The following ATP2C1 variants were observed in gnomAD, a reference collection of about 807,000 sequenced individuals.
ATP2C1 encodes the protein calcium-transporting ATPase type 2C member 1.
In ATP2C1, 31 loss-of-function variants were observed where a neutral mutation model predicts 120.5. That is an observed-to-expected ratio of 0.26 (90% CI 0.19 to 0.35). ATP2C1 has a LOEUF of 0.35. Among genes scored for constraint, ATP2C1 ranks in the 10% least tolerant of loss-of-function variants. The probability of loss-of-function intolerance (pLI) is 1.00; values close to 1 mark genes in which losing one functional copy is unlikely to be tolerated. For missense variants in ATP2C1, 731 were observed against 1,107.5 expected (o/e 0.66, Z 4.83); for synonymous variants, 351 against 358.7 (o/e 0.98, Z 0.24).
At position 130,999,614 on chromosome 3, in the gene ATP2C1, C is replaced by T. The variant is rs1263476212; in HGVS notation, c.2584C>T (p.Pro862Ser). ...IMGQLLVIYF[P>S]PLQKVFQTES... ...GGGACAATTACTAGTTATTTACTTT[C>T]CTCCGCTTCAGAAGGTTTTTCAGAC... Residue 862 changes from proline to serine, a missense_variant, in exon 27 of 28, where the codon CCT becomes TCT. By Grantham distance (74) the Pro-to-Ser change is moderately conservative. Coordinates refer to ENST00000510168, the MANE Select transcript of ATP2C1 (RefSeq NM_001378687.1). 3.1e-6 allele frequency: 5 copies of T among 1,613,468 alleles called. No individual in the cohort carries two copies. In the South Asian group the frequency reaches 4.4e-5, roughly 14 times the overall value.
At chr3:130,857,854 C>A (rs552520855) in intron 1 of ATP2C1, among the ~76,000 whole-genome samples, 1 of 152,210 alleles carries the variant, frequency 6.6e-6, no homozygotes, top group East Asian at 1.9e-4. Context: ...AAGGTGAAAT[C>A]CCACAATAGG....
At chr3:130,931,637 T>C (rs903210261) in intron 3 of ATP2C1, among the ~76,000 whole-genome samples, 2 of 152,162 alleles carry the variant, frequency 1.3e-5, no homozygotes, top group Non-Finnish European at 1.5e-5. Context: ...TTTTTCTCCC[T>C]AAATTTTGTT....
Position 131,001,712 on chromosome 3 carries a change from T to C in ATP2C1, c.*362T>C. 1.0e-6 allele frequency: 1 copy of C among 966,468 alleles called. No homozygotes were observed. The highest frequency in any genetic ancestry group is 1.2e-6 in the Non-Finnish European group (1 of 811,906). The allele number at this position is 966,468 out of a possible 1,614,324, so 59.9% of individuals were successfully genotyped here. On this transcript the variant is annotated 3_prime_UTR_variant, in exon 28 of 28. Coordinates refer to ENST00000510168, the MANE Select transcript of ATP2C1 (RefSeq NM_001378687.1). Reference sequence around the variant, plus strand: ...ATATATTTTTTTTTATTTTTAAATATTGTACTATTTATGGTGGTGGGGCTT... The same window carrying C: ...ATATATTTTTTTTTATTTTTAAATACTGTACTATTTATGGTGGTGGGGCTT...
At chr3:130,896,523 C>T (rs917154438) in intron 2 of ATP2C1, among the ~76,000 whole-genome samples, 16 of 151,980 alleles carry the variant, frequency 1.1e-4, no homozygotes, top group Non-Finnish European at 2.2e-4. Flanking sequence ...CTGTATATAG[C>T]CTAGAAATTT....
chr3:130,865,895 A>G (rs1466135082), intron 1 of ATP2C1, among the ~76,000 whole-genome samples: 1 of 152,230 alleles, frequency 6.6e-6, no homozygotes, highest in Non-Finnish European at 1.5e-5. Flanking sequence ...GATAAAGATC[A>G]TCTTTATGTT....
intron 4 of ATP2C1, among the ~76,000 whole-genome samples, 168 bp downstream of exon 4, chr3:130,932,306 C>CTTTAGTA (rs1355475391): frequency 6.2e-4 from 95 of 152,076 alleles, no homozygotes; most frequent in African/African-American, 2.1e-3. Context: ...GTTGGAATTC[C>CTTTAGTA]TGTATTTTTA....
In ATP2C1 at chr3:130,991,698, G is replaced by A. The variant is rs541982939; in HGVS notation, c.1840-1253G>A. Among the ~76,000 whole-genome samples, 37 of 152,284 alleles carry A rather than the reference G, an allele frequency of 2.4e-4. 1 individual carries two copies. Among genetic ancestry groups the A allele is most frequent in the African/African-American group, 8.4e-4 (35 of 41,570 alleles). Reference sequence around the variant, plus strand: ...GCAGTGAGGAAAACATTTTGGCACAGGAGGGAGGAGAATTTCTGGAGTAAT... The same window carrying A: ...GCAGTGAGGAAAACATTTTGGCACAAGAGGGAGGAGAATTTCTGGAGTAAT... On this transcript the variant is annotated intron_variant, in intron 20 of 27. Transcript: ENST00000510168.
At position 131,002,052 on chromosome 3, in the gene ATP2C1, A is replaced by G; in HGVS notation, c.*702A>G. ...AAAAGGTATGTCTTTGGTTTGGCAG[A>G]ATTCATGCAGGGCTATCAAGTGGTG... On this transcript the variant is annotated 3_prime_UTR_variant, in exon 28 of 28. Coordinates refer to ENST00000510168, the MANE Select transcript of ATP2C1 (RefSeq NM_001378687.1). 1.0e-6 allele frequency: 1 copy of G among 985,682 alleles called. No individual in the cohort carries two copies. The allele number at this position is 985,682 out of a possible 1,614,324, so 61.1% of individuals were successfully genotyped here.
intron 17 of ATP2C1, among the ~76,000 whole-genome samples, chr3:130,972,530 A>T (rs1205980709): frequency 1.3e-5 from 2 of 149,016 alleles, no homozygotes; most frequent in East Asian, 2.0e-4. Context: ...TGTGCCGGTT[A>T]GTTACATATG....
rs2061501684 is a variant in ATP2C1, at chr3:130,975,573, C to T, written c.1570+85C>T. Reference sequence around the variant, plus strand: ...GATGAATTCATGCTTCACATTTGAGCTGTCCAACTCACTTCCAGGATTTGT... The same window carrying T: ...GATGAATTCATGCTTCACATTTGAGTTGTCCAACTCACTTCCAGGATTTGT... On this transcript the variant is annotated intron_variant, in intron 18 of 27. Coordinates refer to ENST00000510168, the MANE Select transcript of ATP2C1 (RefSeq NM_001378687.1). 3.2e-5 allele frequency: 46 copies of T among 1,433,598 alleles called. 1 individual carries two copies. In the South Asian group the frequency reaches 5.4e-4, roughly 17 times the overall value. The allele number at this position is 1,433,598 out of a possible 1,614,324, so 88.8% of individuals were successfully genotyped here.
chr3:130,969,897 CT>C (rs1172256217), intron 17 of ATP2C1, among the ~76,000 whole-genome samples: 1 of 152,220 alleles, frequency 6.6e-6, no homozygotes, highest in East Asian at 1.9e-4. Flanking sequence ...AAGCCGCCAC[CT>C]TGTTCCTGGG....
intron 8 of ATP2C1, among the ~76,000 whole-genome samples, chr3:130,950,602 G>C (rs1360701789): frequency 6.6e-6 from 1 of 152,096 alleles, no homozygotes; most frequent in East Asian, 1.9e-4. Flanking sequence ...TTGTGACTTA[G>C]AAAGTATTCG....
intron 1 of ATP2C1, among the ~76,000 whole-genome samples, chr3:130,872,565 A>G (rs1576560120): frequency 6.7e-6 from 1 of 149,922 alleles, no homozygotes; most frequent in Admixed American, 6.7e-5. Flanking sequence ...CTACACTCCC[A>G]TTTGAGGAGT....
intron 24 of ATP2C1, among the ~76,000 whole-genome samples, chr3:130,997,071 CT>C (rs908089851): frequency 5.9e-5 from 9 of 151,806 alleles, no homozygotes; most frequent in Admixed American, 3.9e-4. Context: ...GTAAGTAAGC[CT>C]TTTATTTCTA....
exon 27 of ATP2C1, chr3:131,016,225 C>G (rs1451389608): frequency 6.2e-7 from 1 of 1,614,164 alleles, no homozygotes; most frequent in Admixed American, 1.7e-5. Flanking sequence ...CTGCCACTGA[C>G]AGAAGATGTG....
At chr3:130,978,959 T>C (rs2061640490) in intron 18 of ATP2C1, among the ~76,000 whole-genome samples, 1 of 152,220 alleles carries the variant, frequency 6.6e-6, no homozygotes, top group African/African-American at 2.4e-5. Context: ...TGAAAGTAGC[T>C]GCATGTGATT....
intron 12 of ATP2C1, chr3:130,959,649 A>G (rs915497854): frequency 1.2e-5 from 2 of 167,184 alleles, no homozygotes; most frequent in African/African-American, 4.8e-5. Context: ...AAAGTTCACA[A>G]TATAGAAATT....
chr3:130,996,448 A>G (rs1048645973), intron 23 of ATP2C1, among the ~76,000 whole-genome samples: 5 of 152,234 alleles, frequency 3.3e-5, no homozygotes, highest in East Asian at 1.9e-4. Context: ...TGTTGAAACT[A>G]TCATGCAGAT....
intron 1 of ATP2C1, among the ~76,000 whole-genome samples, chr3:130,857,767 G>T (rs535352323): frequency 1.8e-4 from 28 of 152,252 alleles, no homozygotes; most frequent in Non-Finnish European, 3.2e-4. Context: ...TTCTCTAAAG[G>T]GACAGAACTA....
Sources: gnomAD v4.1 joint callset for allele counts (sites outside exome capture counted in the v4.1 genomes callset) on GRCh38, gnomAD v4.1.1 for gene constraint, MANE v1.5 for transcripts, NCBI Gene and HGNC (gene_info 2026-07-23, HGNC 2026-07-21) for gene names.